The following APC2 variants were observed in gnomAD, a reference collection of about 807,000 sequenced individuals.
APC2 encodes adenomatous polyposis coli protein 2.
In APC2, 41 loss-of-function variants were observed where a neutral mutation model predicts 72.5. The observed-to-expected ratio is 0.57, with a 90% CI of 0.44 to 0.73. The LOEUF is 0.73. APC2 is among the 30% of genes least tolerant of loss of function. APC2 has a pLI of 0.00. For synonymous variants in APC2, 1,898 were observed against 1,612.0 expected (o/e 1.18, Z -4.25); for missense variants, 3,729 against 3,403.4 (o/e 1.10, Z -2.38).
At position 1,467,199 on chromosome 19, in the gene APC2, GCC is replaced by G; in HGVS notation, c.3899_3900del (p.Ala1300ValfsTer91). On this transcript the variant is annotated frameshift_variant, in exon 15 of 15. Coordinates refer to ENST00000590469, the MANE Select transcript of APC2 (RefSeq NM_005883.3). LOFTEE classifies it low-confidence loss of function (END_TRUNC). ...CGTGGAGCTGCGGCTGCTGCCCTCG[GCC>G]TGCCCCGAGCGCGGCGGGGGCGCCG... ...QDVELRLLPS[A>X]CPERGGGAGG... 1 of 1,456,722 alleles carries G rather than the reference GCC, an allele frequency of 6.9e-7. No individual in the cohort carries two copies. The highest frequency in any genetic ancestry group is 1.5e-5 in the South Asian group (1 of 67,240). The allele number at this position is 1,456,722 out of a possible 1,614,324, so 90.2% of individuals were successfully genotyped here. A position where few individuals can be genotyped will look rare whatever the true frequency, so the allele number is the denominator to read the frequency against.
At chr19:1,446,598 G>A (rs891155984), upstream of APC2, among the ~76,000 whole-genome samples, 17 of 152,078 alleles carry the variant, frequency 1.1e-4, no homozygotes, top group Non-Finnish European at 2.1e-4. The surrounding 1 kb of genome is among the most constrained non-coding windows in gnomAD (Gnocchi z 6.1). Flanking sequence ...CGCAGGGCTC[G>A]CCCAGCCCAG....
chr19:1,458,098 C>G, intron 10 of APC2, 38 bp downstream of exon 10: 1 of 1,530,524 alleles, frequency 6.5e-7, no homozygotes, highest in Non-Finnish European at 8.9e-7. Context: ...CATCCTCCAG[C>G]CCCCGAACAG....
At chr19:1,464,641 T>TTC (rs1388891531) in intron 14 of APC2, among the ~76,000 whole-genome samples, 6 of 149,136 alleles carry the variant, frequency 4.0e-5, no homozygotes, top group African/African-American at 1.2e-4. Flanking sequence ...CCTTTTTTTT[T>TTC]TTTTTTTTTT....
intron 9 of APC2, 119 bp downstream of exon 9, chr19:1,457,362 A>G (rs1317393661): frequency 2.9e-6 from 4 of 1,379,374 alleles, no homozygotes; most frequent in East Asian, 5.5e-5. Flanking sequence ...TGGAGGCTGC[A>G]GTACCAGGCT....
chr19:1,448,891 C>T (rs1221503296), upstream of APC2, among the ~76,000 whole-genome samples: 1 of 152,132 alleles, frequency 6.6e-6, no homozygotes, highest in Non-Finnish European at 1.5e-5. Flanking sequence ...AAAAGATCCC[C>T]TGTGTCTGCC....
At chr19:1,456,217 G>C (rs1205273949) in intron 7 of APC2, 64 bp downstream of exon 7, 7 of 1,549,058 alleles carry the variant, frequency 4.5e-6, no homozygotes, top group African/African-American at 1.4e-5. Flanking sequence ...GGGGCTCCTC[G>C]AGTTCTGCCC....
upstream of APC2, among the ~76,000 whole-genome samples, chr19:1,447,806 C>A (rs934997158): frequency 6.6e-6 from 1 of 152,130 alleles, no homozygotes; most frequent in Non-Finnish European, 1.5e-5. Flanking sequence ...AGTGTCACTC[C>A]GGAGGCCTGG....
Position 1,465,412 on chromosome 19 carries a change from C to A in APC2, c.2111C>A (p.Ala704Glu). 6.5e-7 allele frequency: 1 copy of A among 1,547,192 alleles called. No homozygotes were observed. The part of the protein sequence containing the change: ...LLAHRPAKHQ[A>E]AATAVSPGSC... Reference sequence around the variant, plus strand: ...GCCCATCGGCCCGCCAAGCACCAGGCGGCCGCCACCGCCGTGTCCCCAGGC... The same window carrying A: ...GCCCATCGGCCCGCCAAGCACCAGGAGGCCGCCACCGCCGTGTCCCCAGGC... The change falls in exon 15 of 15, where the codon GCG (alanine) becomes GAG (glutamate). Residue 704 changes from alanine to glutamate, a missense_variant. Ala to Glu is a moderately radical substitution (Grantham distance 107). Coordinates refer to ENST00000590469, the MANE Select transcript of APC2 (RefSeq NM_005883.3).
rs1488960880 is a variant in APC2 at position 1,473,161 on chromosome 19, T to C, written c.*2948T>C. 1 of 152,286 alleles carries C rather than the reference T, an allele frequency of 6.6e-6. No homozygotes were observed. Among genetic ancestry groups the C allele is most frequent in the Non-Finnish European group, 1.5e-5 (1 of 68,064 alleles). The allele number at this position is 152,286 out of a possible 1,614,324, so 9.4% of individuals were successfully genotyped here. A position where few individuals can be genotyped will look rare whatever the true frequency, so the allele number is the denominator to read the frequency against. ...TAGTGAAAGCCTGTCCTTCCCTAAA[T>C]GTAAAGCCATCTGTCCGGCGTAAGG... On this transcript the variant is annotated 3_prime_UTR_variant, in exon 15 of 15. Coordinates refer to ENST00000590469, the MANE Select transcript of APC2 (RefSeq NM_005883.3).
chr19:1,466,277 C>G lies in APC2; in HGVS notation c.2976C>G (p.Thr992=). ...CCTCCGCCGACGCCCGCGTGCGCAC[C>G]ATCAAGCTGTCGCCTACCTATCAGC... ...EATSADARVR[T]IKLSPTYQHV... is the part of the protein sequence containing the mutation. Residue 992 remains threonine, a synonymous_variant, in exon 15 of 15, where the codon ACC becomes ACG. Coordinates refer to ENST00000590469, the MANE Select transcript of APC2 (RefSeq NM_005883.3). 6.5e-7 allele frequency: 1 copy of G among 1,533,642 alleles called. No individual in the cohort carries two copies. Among genetic ancestry groups the G allele is most frequent in the East Asian group, 2.3e-5 (1 of 42,844 alleles).
intron 10 of APC2, chr19:1,458,293 G>T: frequency 1.8e-6 from 1 of 566,864 alleles, no homozygotes. Context: ...AGGCTTCGGG[G>T]GTGACTTTCA....
rs924597671 is a variant in APC2 at position 1,467,654 on chromosome 19, C to T, written c.4353C>T (p.Ser1451=). ...ACAAGGCGGGAGGCGCCGGCCGCAGCGCGGAGCAGTCTCGGGGCGCGGGCA... is the reference window on the plus strand; with the variant it reads ...ACAAGGCGGGAGGCGCCGGCCGCAGTGCGGAGCAGTCTCGGGGCGCGGGCA... ...HRHKAGGAGR[S]AEQSRGAGKN... The change falls in exon 15 of 15, where the codon AGC becomes AGT. Residue 1451 remains serine, a synonymous_variant. Transcript: ENST00000590469. 1.4e-6 allele frequency: 2 copies of T among 1,477,516 alleles called. No homozygotes were observed. The highest frequency in any genetic ancestry group is 1.5e-5 in the African/African-American group (1 of 68,118). The allele number at this position is 1,477,516 out of a possible 1,614,324, so 91.5% of individuals were successfully genotyped here.
chr19:1,449,705 C>A (rs1377094775), upstream of APC2, among the ~76,000 whole-genome samples: 1 of 152,042 alleles, frequency 6.6e-6, no homozygotes, highest in African/African-American at 2.4e-5. Context: ...CCCTGTCCCA[C>A]CCTGACGCAC....
In APC2 at chr19:1,453,006, C is replaced by T. The variant is rs531742805; in HGVS notation, c.5C>T (p.Ala2Val). 56 of 1,611,000 alleles carry T rather than the reference C, an allele frequency of 3.5e-5. 1 individual carries two copies. The highest frequency in any genetic ancestry group is 1.0e-4 in the Admixed American group (6 of 59,990). M[A>V]SSVAPYEQLV... Reference sequence around the variant, plus strand: ...CAGACGCTGCAGGAGCTGAAGATGGCGAGCTCCGTGGCGCCCTACGAGCAG... The same window carrying T: ...CAGACGCTGCAGGAGCTGAAGATGGTGAGCTCCGTGGCGCCCTACGAGCAG... The change falls in exon 2 of 15, where the codon GCG becomes GTG. Residue 2 changes from alanine to valine, a missense_variant. Coordinates refer to ENST00000590469, the MANE Select transcript of APC2 (RefSeq NM_005883.3).
chr19:1,467,436 GC>G lies in APC2; in HGVS notation c.4139del (p.Pro1380ArgfsTer200). 5 of 1,477,204 alleles carry G rather than the reference GC, an allele frequency of 3.4e-6. No individual in the cohort carries two copies. The highest frequency in any genetic ancestry group is 3.6e-6 in the Non-Finnish European group (4 of 1,117,990). 91.5% of individuals were successfully genotyped at this position (1,477,204 alleles called of 1,614,324 possible). A position where few individuals can be genotyped will look rare whatever the true frequency, so the allele number is the denominator to read the frequency against. On this transcript the variant is annotated frameshift_variant, in exon 15 of 15. Coordinates refer to ENST00000590469, the MANE Select transcript of APC2 (RefSeq NM_005883.3). LOFTEE classifies it low-confidence loss of function (END_TRUNC). ...CGTGCCCGTCTACATGTTGGTGCCC[GC>G]CCCGGCCCCGGCCCAGGAGGACGAC... is the stretch of plus-strand genomic sequence containing the variant. ...LPVPVYMLVP[A>X]PAPAQEDDSC...
chr19:1,453,715 C>A, intron 4 of APC2, 104 bp downstream of exon 4: 2 of 1,388,652 alleles, frequency 1.4e-6, no homozygotes, highest in Non-Finnish European at 1.9e-6. Context: ...CTGCCCACAC[C>A]TCACACGCCC....
chr19:1,462,837 G>A (rs137969488), intron 14 of APC2, among the ~76,000 whole-genome samples: 2,475 of 151,110 alleles, frequency 0.016, 38 homozygotes, highest in Non-Finnish European at 0.026. Context: ...TGGGCATGGT[G>A]GTGGGTGCCT....
In APC2 at chr19:1,469,556, T is replaced by TGTGCGC. The variant is rs1198750904; in HGVS notation, c.6257_6262dup (p.Val2086_Arg2087dup). 8.1e-7 allele frequency: 1 copy of TGTGCGC among 1,228,338 alleles called. No homozygotes were observed. Among genetic ancestry groups the TGTGCGC allele is most frequent in the Non-Finnish European group, 1.0e-6 (1 of 970,550 alleles). The allele number at this position is 1,228,338 out of a possible 1,614,324, so 76.1% of individuals were successfully genotyped here. On this transcript the variant is annotated inframe_insertion, in exon 15 of 15. Transcript: ENST00000590469. ...CCTCCGAGAGCCCGTCCCGCCTGCC[T>TGTGCGC]GTGCGCGCGCCCGCCGCCCGGCCGG...
intron 12 of APC2, 41 bp downstream of exon 12, chr19:1,460,898 T>G: frequency 6.2e-7 from 1 of 1,608,994 alleles, no homozygotes; most frequent in Non-Finnish European, 8.5e-7. Context: ...AGGGTGTCCC[T>G]GATAGGCAGA....
Sources: allele counts gnomAD v4.1 joint callset (sites outside exome capture counted in the v4.1 genomes callset), GRCh38; gene constraint gnomAD v4.1.1; non-coding constraint Gnocchi (gnomAD v3.1); transcripts MANE v1.5; gene names NCBI Gene and HGNC (gene_info 2026-07-23, HGNC 2026-07-21).